TACC2: variants seen among roughly 807,000 people sequenced by gnomAD.
The protein encoded by TACC2 is transforming acidic coiled-coil containing protein 2.
Under a neutral mutation model 227.3 loss-of-function variants are expected in TACC2, and 137 were observed. The observed-to-expected ratio is 0.60, with a 90% CI of 0.52 to 0.69. TACC2 has a LOEUF of 0.69. Among genes scored for constraint, TACC2 ranks in the 30% least tolerant of loss-of-function variants. TACC2 has a pLI of 0.00. For missense variants in TACC2, 3,470 were observed against 3,694.4 expected (o/e 0.94, Z 1.57); for synonymous variants, 1,523 against 1,487.5 (o/e 1.02, Z -0.55).
In TACC2 at chr10:122,086,010, G is replaced by A. The variant is rs574013647; in HGVS notation, c.3510G>A (p.Glu1170=). 17 of 1,613,936 alleles carry A rather than the reference G, an allele frequency of 1.1e-5. No homozygotes were observed. The East Asian group carries it at 2.9e-4, about 27-fold the overall frequency. Residue 1170 remains glutamate (E), a synonymous_variant, in exon 4 of 23, where the codon GAG becomes GAA. Transcript: ENST00000369005. ...CTGAGCACTGCCTTACCTCCGGGGA[G>A]GAAGCTTCTACCTCTGCCCTACGTG... is the stretch of plus-strand genomic sequence containing the variant. ...LQTEHCLTSG[E]EASTSALRES... is the part of the protein sequence containing the mutation.
intron 5 of TACC2, among the ~76,000 whole-genome samples, chr10:122,118,300 C>A (rs1167876529): frequency 6.6e-6 from 1 of 152,140 alleles, no homozygotes; most frequent in East Asian, 1.9e-4. Flanking sequence ...CAGGTGTGAG[C>A]CACCGCGCCC....
At chr10:122,225,838 G>A (rs2095617242) in intron 12 of TACC2, among the ~76,000 whole-genome samples, 1 of 152,132 alleles carries the variant, frequency 6.6e-6, no homozygotes, top group Non-Finnish European at 1.5e-5. Flanking sequence ...GCCGTTGCAG[G>A]GACTTATTTG....
chr10:122,235,191 G>T (rs1253874668), intron 16 of TACC2, among the ~76,000 whole-genome samples: 2 of 152,132 alleles, frequency 1.3e-5, no homozygotes, highest in African/African-American at 2.4e-5. Context: ...GGTTTCAAGC[G>T]ATTCTCGTGC....
At chr10:122,053,724 G>C (rs2075946320) in intron 3 of TACC2, among the ~76,000 whole-genome samples, 1 of 152,188 alleles carries the variant, frequency 6.6e-6, no homozygotes, top group Non-Finnish European at 1.5e-5. Context: ...GACTCTCAGA[G>C]GTTCCCCACT....
chr10:122,252,995 G>A (rs1319144248), intron 22 of TACC2, among the ~76,000 whole-genome samples: 3 of 152,200 alleles, frequency 2.0e-5, no homozygotes, highest in Non-Finnish European at 4.4e-5. Context: ...CCTCCACTGA[G>A]GAGAGCCACT....
intron 5 of TACC2, among the ~76,000 whole-genome samples, chr10:122,102,517 G>A (rs925323104): frequency 2.0e-5 from 3 of 152,228 alleles, no homozygotes; most frequent in Non-Finnish European, 4.4e-5. Context: ...CCTTTGCCCT[G>A]ATGTCACTTG....
At chr10:122,053,817 C>G (rs371258448) in intron 3 of TACC2, among the ~76,000 whole-genome samples, 3 of 152,174 alleles carry the variant, frequency 2.0e-5, no homozygotes, top group Non-Finnish European at 2.9e-5. Flanking sequence ...CCAGCATTTT[C>G]TCTTCAAAGG....
chr10:122,105,624 C>CTTTTT lies in TACC2; in HGVS notation c.5573+17042_5573+17046dup, dbSNP rs10700461. 4.8e-5 allele frequency among the ~76,000 whole-genome samples: 7 copies of CTTTTT among 144,540 alleles called. 1 individual carries two copies. Among genetic ancestry groups the CTTTTT allele is most frequent in the East Asian group, 2.0e-4 (1 of 4,970 alleles). 94.8% of individuals were successfully genotyped at this position (144,540 alleles called of 152,430 possible). A position where few individuals can be genotyped will look rare whatever the true frequency, so the allele number is the denominator to read the frequency against. On this transcript the variant is annotated intron_variant, in intron 5 of 22. Transcript: ENST00000369005. The stretch of plus-strand genomic sequence containing the variant: ...TCCACGTAGCGTCCTGTCTTAAACA[C>CTTTTT]TTTTTTTTTTTTTGAGATGGAGTCT...
intron 6 of TACC2, 110 bp from the exon 7 acceptor site, chr10:122,143,462 A>C (rs1719958012): frequency 8.8e-7 from 1 of 1,134,038 alleles, no homozygotes; most frequent in Admixed American, 2.7e-5. Context: ...GGGTTTAAAG[A>C]GTCCATTCCA....
chr10:122,211,001 C>T lies in TACC2; in HGVS notation c.6576C>T (p.Pro2192=). The part of the protein sequence containing the change: ...GPSPALLEET[P]LEPAVGPKAA... The stretch of plus-strand genomic sequence containing the variant: ...GCCCAGCCTTATTGGAGGAGACGCC[C>T]CTTGAGCCCGCTGTGGGGCCCAAAG... The change falls in exon 9 of 23, where the codon CCC becomes CCT. Residue 2192 remains proline (P), a synonymous_variant. Transcript: ENST00000369005. 6.2e-7 allele frequency: 1 copy of T among 1,612,792 alleles called. No individual in the cohort carries two copies. The highest frequency in any genetic ancestry group is 8.5e-7 in the Non-Finnish European group (1 of 1,179,528).
At chr10:122,249,897 A>G (rs1044050199) in intron 22 of TACC2, among the ~76,000 whole-genome samples, 12 of 152,162 alleles carry the variant, frequency 7.9e-5, no homozygotes, top group African/African-American at 2.7e-4. Flanking sequence ...GTTTACTGCC[A>G]TTTTCATTCC....
intron 6 of TACC2, among the ~76,000 whole-genome samples, chr10:122,138,878 G>A (rs892713642): frequency 1.3e-5 from 2 of 152,100 alleles, no homozygotes; most frequent in Non-Finnish European, 2.9e-5. Flanking sequence ...ATCTGTATAG[G>A]CAGATTTTGA....
At chr10:122,237,888 T>G (rs2095890397) in intron 17 of TACC2, 73 bp from the exon 18 acceptor site, 1 of 1,121,164 alleles carries the variant, frequency 8.9e-7, no homozygotes, top group African/African-American at 1.5e-5. Context: ...TCTCCTTTTC[T>G]TGATCTATGA....
intron 5 of TACC2, among the ~76,000 whole-genome samples, chr10:122,114,910 C>T (rs533994145): frequency 1.3e-5 from 2 of 152,274 alleles, no homozygotes; most frequent in South Asian, 4.1e-4. Flanking sequence ...CGTGCTTGAA[C>T]ATTTAAAATA....
intron 16 of TACC2, 48 bp downstream of exon 16, chr10:122,230,488 G>A (rs780058984): frequency 1.3e-6 from 2 of 1,547,320 alleles, no homozygotes; most frequent in South Asian, 2.2e-5. Flanking sequence ...TGTCATGTGT[G>A]CCGCTGGGGT....
intron 7 of TACC2, among the ~76,000 whole-genome samples, chr10:122,168,886 G>A (rs2093333164): frequency 6.6e-6 from 1 of 152,192 alleles, no homozygotes; most frequent in African/African-American, 2.4e-5. Context: ...CCCAAGCTAG[G>A]GCAGTGTTCT....
At chr10:122,113,963 C>T (rs1017461156) in intron 5 of TACC2, among the ~76,000 whole-genome samples, 42 of 152,268 alleles carry the variant, frequency 2.8e-4, no homozygotes, top group African/African-American at 9.9e-4. Context: ...GCCAGGTGTC[C>T]TCTTCAATCC....
At chr10:122,079,290 A>G (rs1181549485) in intron 3 of TACC2, 1 of 152,208 alleles carries the variant, frequency 6.6e-6, no homozygotes, top group Non-Finnish European at 1.5e-5. Flanking sequence ...TGCTTTCCAG[A>G]AAGCCAGGCC....
chr10:122,118,869 C>A (rs1410118570), intron 5 of TACC2, among the ~76,000 whole-genome samples: 1 of 152,152 alleles, frequency 6.6e-6, no homozygotes, highest in Admixed American at 6.5e-5. Flanking sequence ...CTAGACAGAT[C>A]TGGTGGCAGA....
Sources: gnomAD v4.1 joint callset for allele counts (sites outside exome capture counted in the v4.1 genomes callset) on GRCh38, gnomAD v4.1.1 for gene constraint, MANE v1.5 for transcripts, NCBI Gene and HGNC (gene_info 2026-07-23, HGNC 2026-07-21) for gene names.